Variants in PPARGC1A observed in about 807,000 individuals in gnomAD.
The protein encoded by PPARGC1A is peroxisome proliferator-activated receptor gamma coactivator 1-alpha.
In PPARGC1A, 25 loss-of-function variants were observed where a neutral mutation model predicts 88.7. That is an observed-to-expected ratio of 0.28 (90% CI 0.21 to 0.39). The LOEUF (loss-of-function observed/expected upper bound fraction) is 0.39, where lower values mean the gene tolerates loss of function less well. Ranked by LOEUF, PPARGC1A falls within the 10% of genes least tolerant of loss-of-function variation. PPARGC1A has a pLI of 1.00. For missense variants in PPARGC1A, 880 were observed against 968.7 expected (o/e 0.91, Z 1.22); for synonymous variants, 363 against 355.6 (o/e 1.02, Z -0.24).
At position 23,802,207 on chromosome 4, in the gene PPARGC1A, A is replaced by G. The variant is rs1265973962; in HGVS notation, c.2141+17T>C. ...TACGTCAGCTTCTAAACAAGAAATA[A>G]TCTTGAAGATTCTCACCCATCATCC... is the stretch of plus-strand genomic sequence containing the variant. On this transcript the variant is annotated intron_variant, in intron 11 of 12. Transcript: ENST00000264867. The G allele has an allele frequency of 6.2e-7, 1 of 1,613,872 alleles. No homozygotes were observed. The highest frequency in any genetic ancestry group is 1.7e-5 in the Admixed American group (1 of 59,978).
the PPARGC1A span, among the ~76,000 whole-genome samples, chr4:23,909,286 A>G: frequency 6.6e-6 from 1 of 152,192 alleles, no homozygotes; most frequent in South Asian, 2.1e-4. Flanking sequence ...AGCAGCTACA[A>G]TTATTACTTT....
At chr4:24,061,777 C>A in the PPARGC1A span, among the ~76,000 whole-genome samples, 3 of 152,168 alleles carry the variant, frequency 2.0e-5, no homozygotes, top group African/African-American at 7.2e-5. Context: ...AGGTCTGGAA[C>A]TGAAACAGAA....
the PPARGC1A span, among the ~76,000 whole-genome samples, chr4:24,237,842 A>G: frequency 2.5e-4 from 38 of 152,292 alleles, no homozygotes; most frequent in East Asian, 3.3e-3. Context: ...AGATAGGGTG[A>G]CCCAGGAAGA....
the PPARGC1A span, among the ~76,000 whole-genome samples, chr4:23,929,540 T>C: frequency 1.3e-5 from 2 of 152,190 alleles, no homozygotes; most frequent in Non-Finnish European, 2.9e-5. Flanking sequence ...TGGAAGTGGT[T>C]CAAGTCCCTC....
the PPARGC1A span, among the ~76,000 whole-genome samples, chr4:24,131,943 C>G: frequency 2.4e-4 from 37 of 152,214 alleles, no homozygotes; most frequent in Non-Finnish European, 2.1e-4. Context: ...TGGCATGGCA[C>G]AATGCTTATG....
chr4:23,903,146 G>A (rs1719615226), upstream of PPARGC1A, among the ~76,000 whole-genome samples: 1 of 152,036 alleles, frequency 6.6e-6, no homozygotes, highest in South Asian at 2.1e-4. Flanking sequence ...TGAACCAAGG[G>A]GTCTTAGCCC....
chr4:24,459,233 A>G, the PPARGC1A span, among the ~76,000 whole-genome samples: 1 of 152,122 alleles, frequency 6.6e-6, no homozygotes, highest in African/African-American at 2.4e-5. Context: ...CCTTTTTAGC[A>G]AAAAGGTCTT....
At chr4:24,029,908 T>C in the PPARGC1A span, among the ~76,000 whole-genome samples, 1 of 152,202 alleles carries the variant, frequency 6.6e-6, no homozygotes, top group Non-Finnish European at 1.5e-5. Context: ...GGGGATGGCA[T>C]ATGCTGCCAA....
the PPARGC1A span, among the ~76,000 whole-genome samples, chr4:24,271,656 C>T: frequency 3.3e-5 from 5 of 152,118 alleles, no homozygotes; most frequent in Non-Finnish European, 7.3e-5. Flanking sequence ...GGATTACAGG[C>T]GTGAGCCGAG....
At chr4:24,060,999 C>T in the PPARGC1A span, among the ~76,000 whole-genome samples, 1 of 151,920 alleles carries the variant, frequency 6.6e-6, no homozygotes. Context: ...TATATAATTA[C>T]TTTAATCCTT....
the PPARGC1A span, among the ~76,000 whole-genome samples, chr4:24,315,041 A>C: frequency 6.6e-6 from 1 of 152,154 alleles, no homozygotes; most frequent in East Asian, 1.9e-4. Flanking sequence ...AAAAAAAAGA[A>C]ATCTAAAGAG....
the PPARGC1A span, among the ~76,000 whole-genome samples, chr4:23,997,593 C>T: frequency 6.7e-6 from 1 of 150,118 alleles, no homozygotes; most frequent in African/African-American, 2.5e-5. Context: ...ACCTCCACCT[C>T]CTGGGTTCAA....
chr4:24,027,698 T>A, the PPARGC1A span, among the ~76,000 whole-genome samples: 1 of 152,148 alleles, frequency 6.6e-6, no homozygotes, highest in East Asian at 1.9e-4. Context: ...ACAATGTGTA[T>A]GGAAATGATC....
At chr4:24,057,657 G>A in the PPARGC1A span, among the ~76,000 whole-genome samples, 4 of 152,172 alleles carry the variant, frequency 2.6e-5, no homozygotes, top group Admixed American at 6.5e-5. Flanking sequence ...CACCACGTGT[G>A]TACATCCCTC....
At chr4:24,294,638 G>C in the PPARGC1A span, among the ~76,000 whole-genome samples, 13 of 152,120 alleles carry the variant, frequency 8.5e-5, no homozygotes, top group Non-Finnish European at 1.3e-4. Flanking sequence ...TTAGCCTTTG[G>C]AGATTCCTAG....
the PPARGC1A span, among the ~76,000 whole-genome samples, chr4:24,019,674 C>A: frequency 7.2e-5 from 11 of 152,186 alleles, no homozygotes; most frequent in Non-Finnish European, 1.5e-4. Flanking sequence ...TTTAAGTTAG[C>A]TTTAACACCT....
chr4:24,340,241 A>G, the PPARGC1A span, among the ~76,000 whole-genome samples: 1 of 152,202 alleles, frequency 6.6e-6, no homozygotes, highest in Non-Finnish European at 1.5e-5. Context: ...CTTTATTCAG[A>G]AAATAATACA....
chr4:23,957,204 C>A, the PPARGC1A span, among the ~76,000 whole-genome samples: 2 of 152,122 alleles, frequency 1.3e-5, no homozygotes, highest in African/African-American at 4.8e-5. Context: ...ATGCCTCCTT[C>A]TCCCCTCTCA....
the PPARGC1A span, among the ~76,000 whole-genome samples, chr4:24,087,348 G>A: frequency 1.5e-3 from 225 of 152,264 alleles, no homozygotes; most frequent in East Asian, 0.02. Context: ...ACCAGGCTCC[G>A]TGATACACCT....
Sources: gnomAD v4.1 joint callset for allele counts (sites outside exome capture counted in the v4.1 genomes callset) on GRCh38, gnomAD v4.1.1 for gene constraint, MANE v1.5 for transcripts, NCBI Gene and HGNC (gene_info 2026-07-23, HGNC 2026-07-21) for gene names.